Variants in KCND2 observed in about 807,000 individuals in gnomAD.
KCND2 encodes the protein potassium voltage-gated channel subfamily D member 2.
KCND2 carries 16 observed loss-of-function variants against 54.4 expected under a neutral mutation model. The ratio of observed to expected loss-of-function variants is 0.29; its 90% CI spans 0.20 to 0.45. The LOEUF (loss-of-function observed/expected upper bound fraction) is 0.45, where lower values mean the gene tolerates loss of function less well. KCND2 is among the 20% of genes least tolerant of loss of function. The probability of loss-of-function intolerance (pLI) is 1.00; values close to 1 mark genes in which losing one functional copy is unlikely to be tolerated. For missense variants in KCND2, 486 were observed against 824.2 expected, an observed-to-expected ratio of 0.59 and a Z score of 5.02; for synonymous variants, 317 against 310.7, an observed-to-expected ratio of 1.02 and a Z score of -0.21.
intron 1 of KCND2, among the ~76,000 whole-genome samples, chr7:120,539,470 C>T (rs1201730246): frequency 6.6e-6 from 1 of 152,164 alleles, no homozygotes; most frequent in Admixed American, 6.5e-5. Context: ...CAGAACAGTG[C>T]TCACAAGGCA....
At chr7:120,364,953 G>T (rs1234356425) in intron 1 of KCND2, among the ~76,000 whole-genome samples, 1 of 151,990 alleles carries the variant, frequency 6.6e-6, no homozygotes. Flanking sequence ...GGAGCAAAAA[G>T]ATTATAAGAA....
In KCND2 at chr7:120,639,548, C is replaced by T. The variant is rs148087032; in HGVS notation, c.1116-93355C>T. Among the ~76,000 whole-genome samples, 372 of 152,260 alleles carry T rather than the reference C, an allele frequency of 2.4e-3. 1 individual carries two copies. The highest frequency in any genetic ancestry group is 8.3e-3 in the African/African-American group (346 of 41,554). The stretch of plus-strand genomic sequence containing the variant: ...CCTTTCTTCCCATTTCTGTTGCTCA[C>T]TTAACACAGCATGGGCACAGTAGTT... On this transcript the variant is annotated intron_variant, in intron 1 of 5. Transcript: ENST00000331113.
chr7:120,630,027 G>A (rs1192336018), intron 1 of KCND2, among the ~76,000 whole-genome samples: 3 of 149,910 alleles, frequency 2.0e-5, no homozygotes, highest in African/African-American at 2.5e-5. Flanking sequence ...TGTAGATATC[G>A]TAATTAAAGG....
chr7:120,653,600 A>G (rs1385793450), intron 1 of KCND2, among the ~76,000 whole-genome samples: 3 of 152,170 alleles, frequency 2.0e-5, no homozygotes, highest in Non-Finnish European at 4.4e-5. Flanking sequence ...GTGACCTGGA[A>G]TATGCCAATT....
intron 1 of KCND2, among the ~76,000 whole-genome samples, chr7:120,555,197 G>T (rs1434788566): frequency 6.6e-6 from 1 of 152,158 alleles, no homozygotes; most frequent in African/African-American, 2.4e-5. Flanking sequence ...ACTACACCTA[G>T]ATTAATTTTT....
At chr7:120,652,911 C>A (rs766200714) in intron 1 of KCND2, among the ~76,000 whole-genome samples, 31 of 152,110 alleles carry the variant, frequency 2.0e-4, no homozygotes, top group Non-Finnish European at 4.1e-4. Context: ...TTTTATTATA[C>A]TTTTTAATCA....
intron 1 of KCND2, among the ~76,000 whole-genome samples, chr7:120,311,767 G>A (rs1359209844): frequency 6.6e-6 from 1 of 152,040 alleles, no homozygotes; most frequent in Non-Finnish European, 1.5e-5. Flanking sequence ...TTCCCTCTAT[G>A]TGTCCATGTT....
At chr7:120,407,465 GGCA>G (rs1801379111) in intron 1 of KCND2, among the ~76,000 whole-genome samples, 1 of 152,002 alleles carries the variant, frequency 6.6e-6, no homozygotes, top group Admixed American at 6.6e-5. Context: ...GTAGTGTTTA[GGCA>G]CATGGACTTT....
chr7:120,562,887 A>G (rs1465736978), intron 1 of KCND2, among the ~76,000 whole-genome samples: 1 of 152,214 alleles, frequency 6.6e-6, no homozygotes, highest in Admixed American at 6.5e-5. Flanking sequence ...CCAAATTACT[A>G]TAAGATAATG....
At chr7:120,313,429 T>C (rs573912739) in intron 1 of KCND2, among the ~76,000 whole-genome samples, 3 of 152,314 alleles carry the variant, frequency 2.0e-5, no homozygotes, top group African/African-American at 4.8e-5. Flanking sequence ...GCCTTTGTTA[T>C]TCAATTTTTT....
chr7:120,710,303 T>C (rs2116063185), intron 1 of KCND2, among the ~76,000 whole-genome samples: 1 of 152,334 alleles, frequency 6.6e-6, no homozygotes, highest in East Asian at 1.9e-4. Context: ...TTTGCAGACA[T>C]TTATAATTGC....
chr7:120,556,845 A>T (rs950778365), intron 1 of KCND2, among the ~76,000 whole-genome samples: 25 of 152,326 alleles, frequency 1.6e-4, no homozygotes, highest in African/African-American at 5.5e-4. Context: ...GTGATGCATT[A>T]ACATTGCATA....
intron 1 of KCND2, among the ~76,000 whole-genome samples, chr7:120,645,312 C>T (rs964542470): frequency 6.6e-6 from 1 of 152,088 alleles, no homozygotes; most frequent in African/African-American, 2.4e-5. Context: ...TGACTAGTAG[C>T]ATGTTAATAT....
At chr7:120,315,765 A>AGTGTGT (rs59537613) in intron 1 of KCND2, among the ~76,000 whole-genome samples, 34 of 137,600 alleles carry the variant, frequency 2.5e-4, no homozygotes, top group African/African-American at 9.2e-4. Flanking sequence ...TTCCATAAGC[A>AGTGTGT]GTGTGTGTGT....
intron 1 of KCND2, among the ~76,000 whole-genome samples, chr7:120,515,610 A>G: frequency 6.6e-6 from 1 of 151,994 alleles, no homozygotes; most frequent in East Asian, 1.9e-4. Flanking sequence ...TTCCCCTGTT[A>G]ATGCCTCAGG....
intron 1 of KCND2, among the ~76,000 whole-genome samples, chr7:120,359,912 A>G (rs1003322923): frequency 6.6e-6 from 1 of 152,082 alleles, no homozygotes; most frequent in Non-Finnish European, 1.5e-5. Flanking sequence ...GCCACCATGT[A>G]AGCCGTGCCT....
intron 1 of KCND2, among the ~76,000 whole-genome samples, chr7:120,311,127 A>G (rs1799729955): frequency 6.6e-6 from 1 of 152,156 alleles, no homozygotes; most frequent in South Asian, 2.1e-4. Context: ...TTCATGACAT[A>G]TACGGTTTGT....
At chr7:120,301,953 A>G (rs746276074) in intron 1 of KCND2, among the ~76,000 whole-genome samples, 1 of 152,204 alleles carries the variant, frequency 6.6e-6, no homozygotes, top group Non-Finnish European at 1.5e-5. Flanking sequence ...TATGATTTCA[A>G]TATCCCTGCA....
At chr7:120,421,429 A>G (rs1801621008) in intron 1 of KCND2, among the ~76,000 whole-genome samples, 1 of 152,338 alleles carries the variant, frequency 6.6e-6, no homozygotes, top group Non-Finnish European at 1.5e-5. Flanking sequence ...CACACACACA[A>G]CACTCTCTGA....
Sources: gnomAD v4.1 joint callset for allele counts (sites outside exome capture counted in the v4.1 genomes callset) on GRCh38, gnomAD v4.1.1 for gene constraint, MANE v1.5 for transcripts, NCBI Gene and HGNC (gene_info 2026-07-23, HGNC 2026-07-21) for gene names.